Variants in SGCD observed in about 807,000 individuals in gnomAD.
The protein encoded by SGCD is sarcoglycan delta.
SGCD carries 18 observed loss-of-function variants against 36.6 expected under a neutral mutation model. That is an observed-to-expected ratio of 0.49 (90% confidence interval 0.34 to 0.73). The LOEUF is 0.73. SGCD is among the 30% of genes least tolerant of loss of function. The pLI is 0.01. For synonymous variants in SGCD, 133 were observed against 130.6 expected (o/e 1.02, Z -0.12); for missense variants, 387 against 346.7 (o/e 1.12, Z -0.92).
chr5:156,274,801 G>T (rs988031940), intron 3 of SGCD, among the ~76,000 whole-genome samples: 2 of 152,114 alleles, frequency 1.3e-5, no homozygotes, highest in African/African-American at 4.8e-5. Flanking sequence ...ATGGAGTCTT[G>T]CTGGTCACGA....
intron 4 of SGCD, among the ~76,000 whole-genome samples, chr5:156,535,662 T>A (rs909168694): frequency 3.3e-5 from 5 of 152,206 alleles, no homozygotes; most frequent in Non-Finnish European, 5.9e-5. Flanking sequence ...GCCATGTTAA[T>A]GTTTGTGTTT....
intron 4 of SGCD, among the ~76,000 whole-genome samples, chr5:156,522,680 G>T (rs1186411218): frequency 6.6e-6 from 1 of 151,598 alleles, no homozygotes; most frequent in Non-Finnish European, 1.5e-5. Context: ...CAACCACCAT[G>T]GCACACATTT....
intron 1 of SGCD, among the ~76,000 whole-genome samples, chr5:156,093,293 C>A (rs891909): frequency 0.18 from 26,772 of 152,072 alleles, 3,824 homozygotes; most frequent in East Asian, 0.46. Flanking sequence ...GATTCTTTTC[C>A]TCCCTGCCAT....
At chr5:156,355,953 G>C (rs940807521) in intron 3 of SGCD, among the ~76,000 whole-genome samples, 2 of 152,174 alleles carry the variant, frequency 1.3e-5, no homozygotes, top group African/African-American at 4.8e-5. Context: ...GAATGAGAAA[G>C]ATGGACATCT....
chr5:156,241,768 A>G (rs1765312458), intron 3 of SGCD, among the ~76,000 whole-genome samples: 2 of 152,196 alleles, frequency 1.3e-5, no homozygotes, highest in South Asian at 2.1e-4. Context: ...GCCAATCACT[A>G]TGCTAGTAGG....
the SGCD span, among the ~76,000 whole-genome samples, chr5:155,860,857 A>G: frequency 6.6e-6 from 1 of 152,226 alleles, no homozygotes; most frequent in Admixed American, 6.5e-5. Flanking sequence ...AAACAATTTG[A>G]TAACTGTCAC....
chr5:155,816,227 G>C, the SGCD span, among the ~76,000 whole-genome samples: 365 of 152,202 alleles, frequency 2.4e-3, no homozygotes, highest in African/African-American at 8.5e-3. Context: ...CCAACCCCCT[G>C]CACAAATGAC....
chr5:156,451,796 A>G (rs1754030954), intron 3 of SGCD, among the ~76,000 whole-genome samples: 1 of 152,200 alleles, frequency 6.6e-6, no homozygotes. Context: ...GTCTGCACTG[A>G]GAAGTTATTG....
intron 1 of SGCD, among the ~76,000 whole-genome samples, chr5:155,898,500 T>A (rs903516024): frequency 7.9e-5 from 12 of 152,178 alleles, no homozygotes; most frequent in African/African-American, 2.9e-4. Context: ...ATGAGAGAGA[T>A]GTTAGAAGAA....
intron 6 of SGCD, among the ~76,000 whole-genome samples, chr5:156,601,570 A>G (rs554176966): frequency 6.6e-6 from 1 of 152,334 alleles, no homozygotes; most frequent in South Asian, 2.1e-4. Context: ...CAATGCCTGC[A>G]GTTTAATTCT....
intron 4 of SGCD, among the ~76,000 whole-genome samples, chr5:156,580,129 T>C (rs960261636): frequency 1.3e-4 from 20 of 152,152 alleles, no homozygotes; most frequent in East Asian, 1.9e-4. Context: ...AATCTCTCAG[T>C]ATTTGCTTGT....
At chr5:156,176,348 C>A (rs4526092) in intron 3 of SGCD, among the ~76,000 whole-genome samples, 1 of 152,152 alleles carries the variant, frequency 6.6e-6, no homozygotes, top group African/African-American at 2.4e-5. Context: ...CAAATAGCAA[C>A]GTACTATAGA....
intron 3 of SGCD, among the ~76,000 whole-genome samples, chr5:156,210,902 A>C (rs1437310578): frequency 6.6e-6 from 1 of 152,168 alleles, no homozygotes; most frequent in Non-Finnish European, 1.5e-5. Flanking sequence ...TATTTAAAGA[A>C]ATAATAGAAA....
chr5:156,116,507 A>G (rs1331300198), intron 1 of SGCD, among the ~76,000 whole-genome samples: 8 of 152,128 alleles, frequency 5.3e-5, no homozygotes, highest in Non-Finnish European at 1.0e-4. Context: ...CTCTTATGAG[A>G]TGAAAAGAGT....
In SGCD at chr5:156,132,027, T is replaced by C. The variant is rs188474281; in HGVS notation, c.-44+8008T>C. ...ATGTGCAAGCTAACAGTGCTTTTCCTATAAGGAAAAATTAATTAGTCTATT... is the reference window on the plus strand; with the variant it reads ...ATGTGCAAGCTAACAGTGCTTTTCCCATAAGGAAAAATTAATTAGTCTATT... On this transcript the variant is annotated intron_variant, in intron 3 of 9. Coordinates refer to the SGCD transcript ENST00000517913. Among the ~76,000 whole-genome samples the C allele has an allele frequency of 5.3e-5, 8 of 152,368 alleles. No homozygotes were observed. In the East Asian group the frequency reaches 1.3e-3, roughly 26 times the overall value.
chr5:156,216,416 C>G (rs1764575574), intron 3 of SGCD, among the ~76,000 whole-genome samples: 1 of 152,158 alleles, frequency 6.6e-6, no homozygotes, highest in South Asian at 2.1e-4. Context: ...GAACATCATG[C>G]TGTGCACAAT....
chr5:156,347,040 A>G (rs2127718921), intron 3 of SGCD, among the ~76,000 whole-genome samples: 1 of 151,926 alleles, frequency 6.6e-6, no homozygotes, highest in East Asian at 1.9e-4. Flanking sequence ...CTCGTAATCC[A>G]CCCATCTCGG....
chr5:156,362,859 T>C (rs909134484), intron 3 of SGCD, among the ~76,000 whole-genome samples: 4 of 152,212 alleles, frequency 2.6e-5, no homozygotes, highest in Non-Finnish European at 5.9e-5. Flanking sequence ...TATAGCAATA[T>C]ATTAATTGCC....
the SGCD span, among the ~76,000 whole-genome samples, chr5:155,808,273 T>G: frequency 6.6e-6 from 1 of 152,374 alleles, no homozygotes; most frequent in South Asian, 2.1e-4. Context: ...TTTCCAAATC[T>G]TATTATTTCT....
Sources: allele counts gnomAD v4.1 joint callset (sites outside exome capture counted in the v4.1 genomes callset), GRCh38; gene constraint gnomAD v4.1.1; transcripts MANE v1.5; gene names NCBI Gene and HGNC (gene_info 2026-07-23, HGNC 2026-07-21).